ATMIN: variants seen among roughly 807,000 people sequenced by gnomAD.
ATMIN encodes the protein ATM INteracting protein.
ATMIN carries 24 observed loss-of-function variants against 49.2 expected under a neutral mutation model. The observed-to-expected ratio is 0.49, with a 90% CI of 0.35 to 0.69. The LOEUF is 0.69. Ranked by LOEUF, ATMIN falls within the 30% of genes least tolerant of loss-of-function variation. The pLI, the probability that ATMIN is intolerant of heterozygous loss-of-function variation, is 0.00. For synonymous variants in ATMIN, 450 were observed against 392.5 expected, an observed-to-expected ratio of 1.15 and a Z score of -1.73; for missense variants, 1,037 against 1,005.5, an observed-to-expected ratio of 1.03 and a Z score of -0.42.
intron 1 of ATMIN, 82 bp downstream of exon 1, chr16:81,036,288 CG>C: frequency 9.0e-7 from 1 of 1,116,666 alleles, no homozygotes. Flanking sequence ...AAGCCGGCCT[CG>C]GGGGGACGAG....
In ATMIN at chr16:81,043,331, A is replaced by T; in HGVS notation, c.833A>T (p.Asn278Ile). 6.2e-7 allele frequency: 1 copy of T among 1,614,150 alleles called. No homozygotes were observed. The highest frequency in any genetic ancestry group is 8.5e-7 in the Non-Finnish European group (1 of 1,180,038). Residue 278 changes from asparagine (N) to isoleucine (I), a missense_variant, in exon 4 of 4, where the codon AAC becomes ATC. Coordinates refer to ENST00000299575, the MANE Select transcript of ATMIN (RefSeq NM_015251.3). ...EPSFEDSCGS[N>I]TDKQTLTTPP... is the part of the protein sequence containing the mutation. ...TCTTTTGAAGACTCTTGTGGCTCTA[A>T]CACTGACAAGCAGACTCTTACAACA...
chr16:81,046,238 C>T lies in ATMIN; in HGVS notation c.*1268C>T, dbSNP rs1013377318. On this transcript the variant is annotated 3_prime_UTR_variant, in exon 4 of 4. Coordinates refer to ENST00000299575, the MANE Select transcript of ATMIN (RefSeq NM_015251.3). ...AACAAGAAAAAAAGTGGGAAAAGGG[C>T]ATCCCCCATTAGGTTTCAATACTTT... The T allele has an allele frequency of 1.3e-5, 2 of 152,110 alleles. No homozygotes were observed. Among genetic ancestry groups the T allele is most frequent in the African/African-American group, 2.4e-5 (1 of 41,406 alleles). The allele number at this position is 152,110 out of a possible 1,614,324, so 9.4% of individuals were successfully genotyped here. A position where few individuals can be genotyped will look rare whatever the true frequency, so the allele number is the denominator to read the frequency against.
rs749910189 is a variant in ATMIN at position 81,046,645 on chromosome 16, G to GT, written c.*1676dup. The GT allele has an allele frequency of 1.4e-5, 2 of 138,474 alleles. No homozygotes were observed. The highest frequency in any genetic ancestry group is 3.1e-5 in the Non-Finnish European group (2 of 64,736). The allele number at this position is 138,474 out of a possible 1,614,324, so 8.6% of individuals were successfully genotyped here. A position where few individuals can be genotyped will look rare whatever the true frequency, so the allele number is the denominator to read the frequency against. On this transcript the variant is annotated 3_prime_UTR_variant, in exon 4 of 4. Transcript: ENST00000299575. The stretch of plus-strand genomic sequence containing the variant: ...AGTCAAGTAGGAATCAGTGCAGCCT[G>GT]TAAGTTCTCCACATTGACACACACA...
At chr16:81,041,314 GT>G (rs532142263) in intron 1 of ATMIN, 41 bp from the exon 2 acceptor site, 2 of 1,577,798 alleles carry the variant, frequency 1.3e-6, no homozygotes, top group South Asian at 1.2e-5. Flanking sequence ...CTGTTGTGTT[GT>G]TTTTTTGAAA....
Position 81,043,743 on chromosome 16 carries a change from A to C in ATMIN, c.1245A>C (p.Thr415=). Residue 415 remains threonine (T), a synonymous_variant, in exon 4 of 4, where the codon ACA becomes ACC. Coordinates refer to ENST00000299575, the MANE Select transcript of ATMIN (RefSeq NM_015251.3). ...KNSISSINVQ[T]DLSYASQNFI... ...GCATTTCTTCAATCAACGTGCAGAC[A>C]GATCTGTCTTATGCCTCACAAAACT... 6.2e-7 allele frequency: 1 copy of C among 1,614,278 alleles called. No individual in the cohort carries two copies. The highest frequency in any genetic ancestry group is 8.5e-7 in the Non-Finnish European group (1 of 1,180,052).
At chr16:81,037,930 G>T (rs1037376803) in intron 1 of ATMIN, among the ~76,000 whole-genome samples, 1 of 152,006 alleles carries the variant, frequency 6.6e-6, no homozygotes, top group Non-Finnish European at 1.5e-5. Context: ...GTGAGCCACC[G>T]CGACCGACCT....
chr16:81,037,373 T>C (rs1033707661), intron 1 of ATMIN: 1 of 985,334 alleles, frequency 1.0e-6, no homozygotes, highest in Non-Finnish European at 1.2e-6. Flanking sequence ...GTAGGACAGA[T>C]GTGTCGCCAA....
Position 81,047,136 on chromosome 16 carries a change from A to C in ATMIN, c.*2166A>C, listed in dbSNP as rs1214135729. ...CCAATAGAGTCATTTACAGAAGAAAAATGAGCATGTAATAATACAAGAACT... is the reference window on the plus strand; with the variant it reads ...CCAATAGAGTCATTTACAGAAGAAACATGAGCATGTAATAATACAAGAACT... On this transcript the variant is annotated 3_prime_UTR_variant, in exon 4 of 4. Transcript: ENST00000299575. 1 of 152,662 alleles carries C rather than the reference A, an allele frequency of 6.6e-6. No individual in the cohort carries two copies. Among genetic ancestry groups the C allele is most frequent in the Non-Finnish European group, 1.5e-5 (1 of 68,042 alleles). 9.5% of individuals were successfully genotyped at this position (152,662 alleles called of 1,614,324 possible).
rs760010810 is a variant in ATMIN at position 81,045,014 on chromosome 16, C to T, written c.*44C>T. 1 of 1,576,710 alleles carries T rather than the reference C, an allele frequency of 6.3e-7. No homozygotes were observed. The stretch of plus-strand genomic sequence containing the variant: ...TGTGTGAAATGGCATCTACCATTTC[C>T]TCTGGATTAAAACTACGGACTGGGG... On this transcript the variant is annotated 3_prime_UTR_variant, in exon 4 of 4. Transcript: ENST00000299575.
At chr16:81,037,193 G>T (rs1970953977) in intron 1 of ATMIN, 1 of 985,466 alleles carries the variant, frequency 1.0e-6, no homozygotes. Context: ...CTCTAGGCCA[G>T]CAGTGACATA....
At chr16:81,041,709 GTAAACC>G in intron 2 of ATMIN, 1 of 429,642 alleles carries the variant, frequency 2.3e-6, no homozygotes, top group Non-Finnish European at 4.1e-6. Flanking sequence ...GAGAGAGAGA[GTAAACC>G]AGTTCAGCAA....
In ATMIN at chr16:81,041,644, G is replaced by A. The variant is rs140323700; in HGVS notation, c.462+163G>A. ...ACCTGAGTATGCTGTTACACAAGTGGAGGGAAAAGCGGCACGGTCTGGAGG... is the reference window on the plus strand; with the variant it reads ...ACCTGAGTATGCTGTTACACAAGTGAAGGGAAAAGCGGCACGGTCTGGAGG... On this transcript the variant is annotated intron_variant, in intron 2 of 3. Coordinates refer to ENST00000299575, the MANE Select transcript of ATMIN (RefSeq NM_015251.3). The A allele has an allele frequency of 3.5e-4, 300 of 856,748 alleles. 1 individual carries two copies. The African/African-American group carries it at 4.8e-3, about 14-fold the overall frequency. 53.1% of individuals were successfully genotyped at this position (856,748 alleles called of 1,614,324 possible).
rs777215782 is a variant in ATMIN at position 81,044,004 on chromosome 16, G to C, written c.1506G>C (p.Thr502=). The C allele has an allele frequency of 3.1e-6, 5 of 1,614,166 alleles. No homozygotes were observed. The South Asian group carries it at 5.5e-5, about 18-fold the overall frequency. ...ETQTSGIESP[T]DDHVQMDQAG... is the part of the protein sequence containing the mutation. ...AAACCAGTGGGATAGAAAGTCCAAC[G>C]GATGACCATGTACAGATGGACCAAG... Residue 502 remains threonine (T), a synonymous_variant, in exon 4 of 4, where the codon ACG becomes ACC. Coordinates refer to ENST00000299575, the MANE Select transcript of ATMIN (RefSeq NM_015251.3).
At chr16:81,037,586 G>C (rs951739670) in intron 1 of ATMIN, 4 of 752,510 alleles carry the variant, frequency 5.3e-6, no homozygotes, top group Non-Finnish European at 6.5e-6. Context: ...CTGTTGTTTT[G>C]TTTTCATACT....
intron 2 of ATMIN, 47 bp downstream of exon 2, chr16:81,041,528 T>C (rs1971038408): frequency 6.4e-7 from 1 of 1,571,372 alleles, no homozygotes; most frequent in Non-Finnish European, 8.6e-7. Flanking sequence ...AAACCTATTG[T>C]GCATTCTGAT....
Position 81,043,768 on chromosome 16 carries a change from T to C in ATMIN, c.1270T>C (p.Phe424Leu). Reference sequence around the variant, plus strand: ...AGATCTGTCTTATGCCTCACAAAACTTTATACCTTCTGCACAGTGGGCCAC... The same window carrying C: ...AGATCTGTCTTATGCCTCACAAAACCTTATACCTTCTGCACAGTGGGCCAC... ...QTDLSYASQN[F>L]IPSAQWATAD... is the part of the protein sequence containing the mutation. The change falls in exon 4 of 4, where the codon TTT becomes CTT. Residue 424 changes from phenylalanine to leucine, a missense_variant. Coordinates refer to ENST00000299575, the MANE Select transcript of ATMIN (RefSeq NM_015251.3). 6.2e-7 allele frequency: 1 copy of C among 1,614,240 alleles called. No individual in the cohort carries two copies. Among genetic ancestry groups the C allele is most frequent in the Non-Finnish European group, 8.5e-7 (1 of 1,180,048 alleles).
chr16:81,037,220 C>G, intron 1 of ATMIN: 3 of 985,454 alleles, frequency 3.0e-6, no homozygotes, highest in Non-Finnish European at 3.6e-6. Context: ...AAGCGCAAGT[C>G]ATTGAAAGCA....
At position 81,043,479 on chromosome 16, in the gene ATMIN, T is replaced by G. The variant is rs748559297; in HGVS notation, c.981T>G (p.Pro327=). The change falls in exon 4 of 4, where the codon CCT becomes CCG. Residue 327 remains proline (P), a synonymous_variant. Coordinates refer to ENST00000299575, the MANE Select transcript of ATMIN (RefSeq NM_015251.3). ...CTACAGCCGACTCCTCAGCCCAGCC[T>G]GTGGTGTTAGGTGTTGATCAGGGCT... ...FVPTADSSAQ[P]VVLGVDQGSA... The G allele has an allele frequency of 2.5e-6, 4 of 1,614,166 alleles. No individual in the cohort carries two copies. In the South Asian group the frequency reaches 4.4e-5, roughly 18 times the overall value.
At position 81,044,853 on chromosome 16, in the gene ATMIN, T is replaced by C; in HGVS notation, c.2355T>C (p.Thr785=). The C allele has an allele frequency of 1.2e-6, 2 of 1,614,164 alleles. No individual in the cohort carries two copies. Among genetic ancestry groups the C allele is most frequent in the Non-Finnish European group, 1.7e-6 (2 of 1,180,028 alleles). Residue 785 remains threonine, a synonymous_variant, in exon 4 of 4, where the codon ACT becomes ACC. Coordinates refer to ENST00000299575, the MANE Select transcript of ATMIN (RefSeq NM_015251.3). The stretch of plus-strand genomic sequence containing the variant: ...GCTTGTTCTTCACCAGCAACGAAAC[T>C]CAGACAGCAATGGATGACTTTCTTC... The part of the protein sequence containing the change: ...LGSLFFTSNE[T]QTAMDDFLLA...
Sources: allele counts gnomAD v4.1 joint callset (sites outside exome capture counted in the v4.1 genomes callset), GRCh38; gene constraint gnomAD v4.1.1; transcripts MANE v1.5; gene names NCBI Gene and HGNC (gene_info 2026-07-23, HGNC 2026-07-21).